MDGA2: variants seen among roughly 807,000 people sequenced by gnomAD.
MDGA2 encodes MAM domain-containing glycosylphosphatidylinositol anchor protein 2.
Under a neutral mutation model 117.8 loss-of-function variants are expected in MDGA2, and 40 were observed. The ratio of observed to expected loss-of-function variants is 0.34; its 90% CI spans 0.26 to 0.44. The LOEUF (loss-of-function observed/expected upper bound fraction) is 0.44. Ranked by LOEUF, MDGA2 falls within the 20% of genes least tolerant of loss-of-function variation. The probability of loss-of-function intolerance (pLI) is 1.00; values close to 1 mark genes in which losing one functional copy is unlikely to be tolerated. For missense variants in MDGA2, 1,123 were observed against 1,250.6 expected (o/e 0.90, Z 1.54); for synonymous variants, 452 against 439.0 (o/e 1.03, Z -0.37).
intron 1 of MDGA2, among the ~76,000 whole-genome samples, chr14:47,527,450 A>G (rs1344267734): frequency 6.6e-6 from 1 of 152,166 alleles, no homozygotes; most frequent in East Asian, 1.9e-4. Context: ...AGGAAAAGAC[A>G]GTTATTATAG....
At chr14:47,163,013 A>G (rs1883706523) in intron 3 of MDGA2, among the ~76,000 whole-genome samples, 1 of 152,180 alleles carries the variant, frequency 6.6e-6, no homozygotes, top group Non-Finnish European at 1.5e-5. Context: ...TTCATTGGGT[A>G]TATGTTCCAT....
At chr14:47,127,829 G>T (rs1043019534) in intron 5 of MDGA2, among the ~76,000 whole-genome samples, 7 of 151,792 alleles carry the variant, frequency 4.6e-5, no homozygotes, top group African/African-American at 1.5e-4. Context: ...CAGAAATAAA[G>T]TCATCCAGTT....
chr14:47,183,015 A>C (rs1024799882), intron 3 of MDGA2, among the ~76,000 whole-genome samples: 6 of 152,100 alleles, frequency 3.9e-5, no homozygotes, highest in Non-Finnish European at 8.8e-5. Context: ...CATATCTCCT[A>C]AACTGAAATC....
chr14:47,253,004 C>A (rs1887499221), intron 2 of MDGA2, among the ~76,000 whole-genome samples: 1 of 152,062 alleles, frequency 6.6e-6, no homozygotes. Flanking sequence ...AGGGGAAGTC[C>A]CTTATAAAGC....
intron 2 of MDGA2, among the ~76,000 whole-genome samples, chr14:47,250,069 T>G (rs1355041006): frequency 6.6e-6 from 1 of 152,250 alleles, no homozygotes; most frequent in Non-Finnish European, 1.5e-5. Flanking sequence ...AAGGAAATTC[T>G]GGAGTGTGGG....
intron 1 of MDGA2, among the ~76,000 whole-genome samples, chr14:47,498,017 T>A (rs1292200281): frequency 6.6e-6 from 1 of 152,198 alleles, no homozygotes; most frequent in Non-Finnish European, 1.5e-5. Flanking sequence ...AAAATTCACT[T>A]TGTATGTTAC....
rs187303697 is a variant in MDGA2, at chr14:47,287,097, T to C, written c.420+14314A>G. 2.0e-5 allele frequency among the ~76,000 whole-genome samples: 3 copies of C among 151,472 alleles called. No individual in the cohort carries two copies. In the East Asian group the frequency reaches 5.8e-4, roughly 30 times the overall value. On this transcript the variant is annotated intron_variant, in intron 2 of 16. Transcript: ENST00000399232. The stretch of plus-strand genomic sequence containing the variant: ...AAGAGGAAAACAAGTAAAAGAGAGG[T>C]TAAATAAATTAACTAAATTCACAGG...
chr14:46,842,762 T>A (rs564133225), intron 16 of MDGA2, among the ~76,000 whole-genome samples: 1 of 152,144 alleles, frequency 6.6e-6, no homozygotes, highest in African/African-American at 2.4e-5. Flanking sequence ...TAGGGGAGAA[T>A]TGAGTTTGAA....
intron 2 of MDGA2, among the ~76,000 whole-genome samples, chr14:47,247,928 AATG>A (rs1256667123): frequency 1.3e-5 from 2 of 151,362 alleles, no homozygotes; most frequent in Non-Finnish European, 3.0e-5. Flanking sequence ...GTTTGCTGAG[AATG>A]ATGGTTTCCA....
At chr14:47,091,531 G>C (rs1343916237) in intron 6 of MDGA2, among the ~76,000 whole-genome samples, 1 of 152,070 alleles carries the variant, frequency 6.6e-6, no homozygotes, top group Non-Finnish European at 1.5e-5. Flanking sequence ...AAAGCAGAAA[G>C]ACCAATGCGT....
intron 15 of MDGA2, among the ~76,000 whole-genome samples, chr14:46,853,389 A>G (rs1308852963): frequency 6.6e-6 from 1 of 151,878 alleles, no homozygotes; most frequent in East Asian, 1.9e-4. Flanking sequence ...TATGAAAACT[A>G]TAAATCCACA....
At chr14:47,476,888 G>A (rs780453189) in intron 1 of MDGA2, among the ~76,000 whole-genome samples, 65 of 152,182 alleles carry the variant, frequency 4.3e-4, no homozygotes, top group Non-Finnish European at 7.6e-4. Flanking sequence ...TTCACTGGGC[G>A]TGGTGGCTCA....
chr14:47,196,638 T>C (rs1885297188), intron 3 of MDGA2, among the ~76,000 whole-genome samples: 1 of 152,196 alleles, frequency 6.6e-6, no homozygotes. Flanking sequence ...ATTCTCAATT[T>C]AGGATTCATG....
intron 1 of MDGA2, among the ~76,000 whole-genome samples, chr14:47,313,683 T>C (rs916115315): frequency 6.6e-6 from 1 of 152,184 alleles, no homozygotes; most frequent in Non-Finnish European, 1.5e-5. Flanking sequence ...CATAATTCAA[T>C]AATTTGTTTT....
rs919513804 is a variant in MDGA2 at position 47,646,126 on chromosome 14, C to A, written c.280+28391G>T. Reference sequence around the variant, plus strand: ...AAGAAAATTTTTCTCAGTTTGACTACGTCATGTAAACTTTCATTTTTGAAA... The same window carrying A: ...AAGAAAATTTTTCTCAGTTTGACTAAGTCATGTAAACTTTCATTTTTGAAA... On this transcript the variant is annotated intron_variant, in intron 1 of 16. Transcript: ENST00000399232. Among the ~76,000 whole-genome samples, 5 of 149,656 alleles carry A rather than the reference C, an allele frequency of 3.3e-5. 1 individual carries two copies. The highest frequency in any genetic ancestry group is 7.4e-5 in the Non-Finnish European group (5 of 67,576).
At chr14:46,859,971 C>T (rs947274512) in intron 14 of MDGA2, among the ~76,000 whole-genome samples, 1 of 151,980 alleles carries the variant, frequency 6.6e-6, no homozygotes, top group Non-Finnish European at 1.5e-5. Context: ...GTTGCTTTAG[C>T]CTTTAAAAAA....
rs139110067 is a variant in MDGA2 at position 47,223,104 on chromosome 14, C to T, written c.421-4909G>A. Among the ~76,000 whole-genome samples the T allele has an allele frequency of 3.1e-3, 476 of 152,202 alleles. 6 individuals carry two copies. Among genetic ancestry groups the T allele is most frequent in the African/African-American group, 0.011 (444 of 41,528 alleles). On this transcript the variant is annotated intron_variant, in intron 2 of 16. Transcript: ENST00000399232. ...CAAAAGCGGAAACACCTGATAAACC[C>T]GTCAGATCTTGTGAGACTTATTCAC...
At chr14:47,452,116 G>A (rs1202394972) in intron 1 of MDGA2, among the ~76,000 whole-genome samples, 2 of 152,070 alleles carry the variant, frequency 1.3e-5, no homozygotes, top group Non-Finnish European at 2.9e-5. Context: ...GGGAAAAGCA[G>A]CATTGAGTGG....
intron 9 of MDGA2, among the ~76,000 whole-genome samples, chr14:46,929,155 TAA>T (rs1398345270): frequency 6.6e-6 from 1 of 152,114 alleles, no homozygotes; most frequent in Non-Finnish European, 1.5e-5. Context: ...AGTTTACATC[TAA>T]AAAGTGTCTT....
Sources: allele counts gnomAD v4.1 joint callset (sites outside exome capture counted in the v4.1 genomes callset), GRCh38; gene constraint gnomAD v4.1.1; transcripts MANE v1.5; gene names NCBI Gene and HGNC (gene_info 2026-07-23, HGNC 2026-07-21).